The following MKLN1 variants were observed in gnomAD, a reference collection of about 807,000 sequenced individuals.
MKLN1 encodes the protein muskelin 1, also known as muskelin.
A neutral mutation model predicts 99.0 loss-of-function variants in MKLN1; 18 were observed. The observed-to-expected ratio is 0.18, with a 90% CI of 0.13 to 0.27. The LOEUF (loss-of-function observed/expected upper bound fraction) is 0.27. Among genes scored for constraint, MKLN1 ranks in the 10% least tolerant of loss-of-function variants. MKLN1 has a pLI of 1.00. For missense variants in MKLN1, 621 were observed against 875.9 expected (o/e 0.71, Z 3.67); for synonymous variants, 288 against 293.2 (o/e 0.98, Z 0.18).
At chr7:131,466,919 A>G (rs1309411701) in intron 15 of MKLN1, among the ~76,000 whole-genome samples, 5 of 150,286 alleles carry the variant, frequency 3.3e-5, no homozygotes, top group African/African-American at 4.9e-5. Context: ...ACACACACAC[A>G]CACACGCGCG....
intron 3 of MKLN1, chr7:131,285,039 C>G (rs1015774282): frequency 1.8e-4 from 28 of 152,228 alleles, no homozygotes; most frequent in African/African-American, 6.5e-4. Flanking sequence ...ATTCCGGTTC[C>G]CCAGCCTCCC....
At chr7:131,349,147 A>G (rs1799645471) in intron 1 of MKLN1, among the ~76,000 whole-genome samples, 1 of 152,144 alleles carries the variant, frequency 6.6e-6, no homozygotes, top group African/African-American at 2.4e-5. Context: ...AATTAATTAC[A>G]TATAAATGAA....
intron 3 of MKLN1, among the ~76,000 whole-genome samples, chr7:131,225,296 A>G (rs1425798528): frequency 2.0e-5 from 3 of 152,158 alleles, no homozygotes; most frequent in African/African-American, 7.2e-5. Context: ...CACATGGTGG[A>G]AGGAGGGAAG....
At chr7:131,171,816 TACA>T (rs1796220661) in intron 2 of MKLN1, among the ~76,000 whole-genome samples, 1 of 152,320 alleles carries the variant, frequency 6.6e-6, no homozygotes, top group East Asian at 1.9e-4. Context: ...AATTAAGAAA[TACA>T]ACATTGACAA....
chr7:131,402,454 G>T (rs1047901567), intron 6 of MKLN1, among the ~76,000 whole-genome samples: 8 of 152,050 alleles, frequency 5.3e-5, no homozygotes, highest in African/African-American at 1.9e-4. Context: ...CCAAACTCTT[G>T]TTTATGTTGA....
intron 12 of MKLN1, among the ~76,000 whole-genome samples, chr7:131,450,813 A>G (rs1563355462): frequency 6.6e-6 from 1 of 152,258 alleles, no homozygotes; most frequent in Non-Finnish European, 1.5e-5. Context: ...ATATAAAAAC[A>G]TGTGGCTCTA....
At chr7:131,303,150 C>G (rs1031946264) in intron 3 of MKLN1, among the ~76,000 whole-genome samples, 1 of 152,186 alleles carries the variant, frequency 6.6e-6, no homozygotes, top group African/African-American at 2.4e-5. Context: ...TCCTGAACTC[C>G]CAATGCCCCA....
chr7:131,280,197 C>G (rs1234740814), intron 3 of MKLN1, among the ~76,000 whole-genome samples: 2 of 152,166 alleles, frequency 1.3e-5, no homozygotes, highest in African/African-American at 4.8e-5. Context: ...ATTTTGTTTA[C>G]CCATTCCTCA....
intron 17 of MKLN1, among the ~76,000 whole-genome samples, chr7:131,485,520 T>G (rs1420967009): frequency 6.6e-6 from 1 of 152,094 alleles, no homozygotes; most frequent in African/African-American, 2.4e-5. Context: ...ATCAATAGTT[T>G]ATTAATTACA....
At chr7:131,333,421 AT>A (rs1799152742) in intron 1 of MKLN1, among the ~76,000 whole-genome samples, 1 of 152,120 alleles carries the variant, frequency 6.6e-6, no homozygotes, top group African/African-American at 2.4e-5. Context: ...ACTTTATGTC[AT>A]TTTGTTTAAT....
chr7:131,438,033 C>G lies in MKLN1; in HGVS notation c.1173+36C>G. On this transcript the variant is annotated intron_variant, in intron 10 of 17. Transcript: ENST00000352689. Reference sequence around the variant, plus strand: ...CAGTTAAATATATGATGGAATTAATCAGTGCTTAGTGATTCTTGCAATTAG... The same window carrying G: ...CAGTTAAATATATGATGGAATTAATGAGTGCTTAGTGATTCTTGCAATTAG... 2.0e-6 allele frequency: 3 copies of G among 1,485,702 alleles called. No individual in the cohort carries two copies. The South Asian group carries it at 3.4e-5, about 17-fold the overall frequency. The allele number at this position is 1,485,702 out of a possible 1,614,324, so 92.0% of individuals were successfully genotyped here.
rs929822655 is a variant in MKLN1 at position 131,240,881 on chromosome 7, C to G, written c.-179+37907C>G. The stretch of plus-strand genomic sequence containing the variant: ...AAATAGACACAGAAATGTGTATATA[C>G]CTTACAGACCTGGTGAATCCTGAAA... On this transcript the variant is annotated intron_variant, in intron 3 of 7. Transcript: ENST00000416992. Among the ~76,000 whole-genome samples, 7 of 152,152 alleles carry G rather than the reference C, an allele frequency of 4.6e-5. No homozygotes were observed. In the South Asian group the frequency reaches 1.4e-3, roughly 31 times the overall value.
At chr7:131,417,310 A>T (rs1795048210) in intron 8 of MKLN1, among the ~76,000 whole-genome samples, 1 of 152,190 alleles carries the variant, frequency 6.6e-6, no homozygotes, top group Non-Finnish European at 1.5e-5. Flanking sequence ...CTGTTAGTAG[A>T]TATTTTAGTT....
At position 131,357,541 on chromosome 7, in the gene MKLN1, C is replaced by T. The variant is rs149956555; in HGVS notation, c.99-17883C>T. Among the ~76,000 whole-genome samples the T allele has an allele frequency of 3.3e-3, 499 of 152,198 alleles. 5 individuals are homozygous for T. Among genetic ancestry groups the T allele is most frequent in the Admixed American group, 9.4e-3 (143 of 15,284 alleles). On this transcript the variant is annotated intron_variant, in intron 1 of 17. Transcript: ENST00000352689. ...TTCTTTATGGGAGATTTGTCTCTTC[C>T]GCCATACTAATTTATCCAATAATTT...
intron 1 of MKLN1, among the ~76,000 whole-genome samples, chr7:131,133,827 T>TGG (rs1454353477): frequency 7.5e-6 from 1 of 133,220 alleles, no homozygotes; most frequent in African/African-American, 2.8e-5. Flanking sequence ...TTGGTTTTTT[T>TGG]TTTTTTTTTT....
At chr7:131,329,469 T>G (rs1033868154) in intron 1 of MKLN1, among the ~76,000 whole-genome samples, 8 of 152,246 alleles carry the variant, frequency 5.3e-5, no homozygotes, top group Non-Finnish European at 7.3e-5. Context: ...ACTTGACCTC[T>G]GATATTCTGG....
intron 2 of MKLN1, among the ~76,000 whole-genome samples, chr7:131,158,215 G>A (rs761007525): frequency 9.2e-5 from 14 of 152,118 alleles, no homozygotes; most frequent in East Asian, 7.7e-4. Flanking sequence ...TGAGGCAGGC[G>A]GATCACCTGA....
At chr7:131,150,111 C>T (rs544778676) in intron 2 of MKLN1, among the ~76,000 whole-genome samples, 1 of 152,220 alleles carries the variant, frequency 6.6e-6, no homozygotes, top group South Asian at 2.1e-4. Flanking sequence ...TGTCTATCAT[C>T]CTTTGAACTG....
chr7:131,267,538 T>C (rs1029032826), intron 3 of MKLN1, among the ~76,000 whole-genome samples: 2 of 152,122 alleles, frequency 1.3e-5, no homozygotes, highest in African/African-American at 4.8e-5. Context: ...TAGCATTTAC[T>C]AGAACTGTGG....
Sources: gnomAD v4.1 joint callset for allele counts (sites outside exome capture counted in the v4.1 genomes callset) on GRCh38, gnomAD v4.1.1 for gene constraint, MANE v1.5 for transcripts, NCBI Gene and HGNC (gene_info 2026-07-23, HGNC 2026-07-21) for gene names.